EXOC3L2: variants seen among roughly 807,000 people sequenced by gnomAD.
EXOC3L2 encodes exocyst complex component 3-like protein 2.
Under a neutral mutation model 44.4 loss-of-function variants are expected in EXOC3L2, and 17 were observed. The ratio of observed to expected loss-of-function variants is 0.38; its 90% confidence interval spans 0.26 to 0.57. The LOEUF (loss-of-function observed/expected upper bound fraction) is 0.57, where lower values mean the gene tolerates loss of function less well. EXOC3L2 is among the 20% of genes least tolerant of loss of function. The pLI, the probability that EXOC3L2 is intolerant of heterozygous loss-of-function variation, is 0.65. For synonymous variants in EXOC3L2, 256 were observed against 253.7 expected (o/e 1.01, Z -0.09); for missense variants, 541 against 588.4 (o/e 0.92, Z 0.83).
At chr19:45,231,276 T>A (rs1329231656) in intron 4 of EXOC3L2, among the ~76,000 whole-genome samples, 1 of 151,922 alleles carries the variant, frequency 6.6e-6, no homozygotes, top group African/African-American at 2.4e-5. Context: ...CTCAGCGGTG[T>A]CTGTGCAGGT....
chr19:45,220,735 C>T (rs1969887691), intron 8 of EXOC3L2, among the ~76,000 whole-genome samples: 1 of 151,696 alleles, frequency 6.6e-6, no homozygotes, highest in South Asian at 2.1e-4. Context: ...CCAGCTTTCT[C>T]CTGAGGGCAC....
At chr19:45,243,002 T>C (rs968489183) in intron 1 of EXOC3L2, among the ~76,000 whole-genome samples, 1 of 152,186 alleles carries the variant, frequency 6.6e-6, no homozygotes, top group Non-Finnish European at 1.5e-5. Context: ...AGTAGATTTT[T>C]ATCCCATGCT....
intron 10 of EXOC3L2, among the ~76,000 whole-genome samples, chr19:45,217,293 C>A (rs1969845459): frequency 6.6e-6 from 1 of 152,180 alleles, no homozygotes; most frequent in Admixed American, 6.5e-5. Flanking sequence ...GACCATTATT[C>A]GCCTTATTTA....
At chr19:45,230,497 C>T (rs141304076) in intron 4 of EXOC3L2, among the ~76,000 whole-genome samples, 98 of 152,078 alleles carry the variant, frequency 6.4e-4, no homozygotes, top group African/African-American at 2.2e-3. Context: ...GGATTACAGG[C>T]GTGAGCCACT....
chr19:45,241,434 C>T (rs1425123372), intron 1 of EXOC3L2, among the ~76,000 whole-genome samples: 12 of 149,504 alleles, frequency 8.0e-5, no homozygotes, highest in South Asian at 2.1e-4. Flanking sequence ...GCTGAGATCG[C>T]GCCACTGCAC....
chr19:45,232,373 C>T (rs751401509), intron 3 of EXOC3L2, among the ~76,000 whole-genome samples: 48 of 152,176 alleles, frequency 3.2e-4, no homozygotes, highest in Non-Finnish European at 5.9e-4. Context: ...TTGGACCAAA[C>T]CCAGTTCCCA....
chr19:45,226,999 C>A (rs1188641582), intron 7 of EXOC3L2, among the ~76,000 whole-genome samples: 11 of 148,428 alleles, frequency 7.4e-5, no homozygotes, highest in Non-Finnish European at 1.5e-4. Flanking sequence ...ATGATCTACC[C>A]GCCTCGGCCT....
intron 7 of EXOC3L2, among the ~76,000 whole-genome samples, chr19:45,226,816 G>A (rs1277233029): frequency 7.0e-6 from 1 of 142,442 alleles, no homozygotes; most frequent in Non-Finnish European, 1.5e-5. Context: ...GTAGTGGCGC[G>A]ATCTCAGCTC....
In EXOC3L2 at chr19:45,234,714, A is replaced by C; in HGVS notation, c.636T>G (p.Pro212=). Reference sequence around the variant, plus strand: ...CCCCGCCAGCGCCCTCGGCCTTGGGAGGCCCAGGCGCGCCGCCCCTCGACG... The same window carrying C: ...CCCCGCCAGCGCCCTCGGCCTTGGGCGGCCCAGGCGCGCCGCCCCTCGACG... ...LAPSRGGAPG[P]PKAEGAGGGR... The change falls in exon 3 of 12, where the codon CCT becomes CCG. Residue 212 remains proline, a synonymous_variant. Coordinates refer to ENST00000413988, the MANE Select transcript of EXOC3L2 (RefSeq NM_001382422.1). This position sits in a 1 kb window ranked among gnomAD's most constrained non-coding sequence, Gnocchi z 5.0. The C allele has an allele frequency of 2.6e-6, 1 of 390,874 alleles. No individual in the cohort carries two copies. Among genetic ancestry groups the C allele is most frequent in the Non-Finnish European group, 4.5e-6 (1 of 221,114 alleles). The allele number at this position is 390,874 out of a possible 1,614,324, so 24.2% of individuals were successfully genotyped here.
At position 45,224,888 on chromosome 19, in the gene EXOC3L2, C is replaced by T. The variant is rs746573996; in HGVS notation, c.1609G>A (p.Val537Met). The change falls in exon 8 of 12, where the codon GTG (valine) becomes ATG (methionine). Residue 537 changes from valine to methionine, a missense_variant. By Grantham distance (21) the Val-to-Met change is conservative. Coordinates refer to ENST00000413988, the MANE Select transcript of EXOC3L2 (RefSeq NM_001382422.1). ...GCCGGCTCGCTTTCTGGGGGCCCCA[C>T]CCGGGCCAGGCGCTCGGCCAGAGCT... ...LRALAERLAR[V>M]GPPESEPARE... 4.5e-6 allele frequency: 7 copies of T among 1,561,912 alleles called. No individual in the cohort carries two copies. Among genetic ancestry groups the T allele is most frequent in the Admixed American group, 3.7e-5 (2 of 54,250 alleles).
At chr19:45,231,734 C>T in intron 4 of EXOC3L2, 29 bp downstream of exon 4, 1 of 1,585,750 alleles carries the variant, frequency 6.3e-7, no homozygotes, top group Non-Finnish European at 8.6e-7. Flanking sequence ...ACAGCACCTC[C>T]TGCTTCCAAA....
intron 10 of EXOC3L2, chr19:45,217,028 T>C (rs1969842685): frequency 6.6e-6 from 1 of 152,216 alleles, no homozygotes; most frequent in Non-Finnish European, 1.5e-5. Flanking sequence ...AGTCTTTTTT[T>C]TCTTTTTTTT....
chr19:45,224,709 G>A lies in EXOC3L2; in HGVS notation c.1719+69C>T, dbSNP rs1969936059. 6.6e-6 allele frequency: 10 copies of A among 1,508,910 alleles called. No individual in the cohort carries two copies. The South Asian group carries it at 1.0e-4, about 15-fold the overall frequency. 93.5% of individuals were successfully genotyped at this position (1,508,910 alleles called of 1,614,324 possible). A position where few individuals can be genotyped will look rare whatever the true frequency, so the allele number is the denominator to read the frequency against. ...CTGAGCCATGGGCTAAAAGGAACTG[G>A]AGGATGGTGGGGGGCAGCGCTTCCC... On this transcript the variant is annotated intron_variant, in intron 8 of 11. Transcript: ENST00000413988.
intron 4 of EXOC3L2, among the ~76,000 whole-genome samples, chr19:45,231,160 G>A (rs1970027191): frequency 6.6e-6 from 1 of 152,120 alleles, no homozygotes; most frequent in Admixed American, 6.6e-5. Flanking sequence ...TATGGTTCTA[G>A]GCTCTTAAGT....
rs533584529 is a variant in EXOC3L2, at chr19:45,223,594, T to G, written c.1719+1184A>C. Among the ~76,000 whole-genome samples the G allele has an allele frequency of 8.7e-5, 13 of 149,146 alleles. No homozygotes were observed. The East Asian group carries it at 2.6e-3, about 30-fold the overall frequency. ...CTGACCTCAAGTGATCCGCCCACCT[T>G]GGCCTCCCAAGTGCTGGGATTACAG... On this transcript the variant is annotated intron_variant, in intron 8 of 11. Transcript: ENST00000413988.
chr19:45,237,592 G>A (rs1970095060), intron 2 of EXOC3L2, among the ~76,000 whole-genome samples: 1 of 152,130 alleles, frequency 6.6e-6, no homozygotes, highest in Non-Finnish European at 1.5e-5. Flanking sequence ...TGGTGGGCTT[G>A]GAATAAGTGT....
At chr19:45,239,252 C>A (rs1970110982) in intron 1 of EXOC3L2, among the ~76,000 whole-genome samples, 191 bp from the exon 2 acceptor site, 1 of 144,520 alleles carries the variant, frequency 6.9e-6, no homozygotes, top group African/African-American at 2.6e-5. Flanking sequence ...GGGTCTCGCT[C>A]TGTCGCCCAG....
chr19:45,243,580 A>C (rs1191078213), intron 1 of EXOC3L2, among the ~76,000 whole-genome samples: 2 of 152,194 alleles, frequency 1.3e-5, no homozygotes, highest in Non-Finnish European at 2.9e-5. Flanking sequence ...GGCTGTGTGC[A>C]ATAGATACTC....
chr19:45,228,059 T>C lies in EXOC3L2; in HGVS notation c.1387A>G (p.Thr463Ala). ...TGGCTGATGCGGGGTGCTCGCTCTG[T>C]GTGCTCTTCCAGCAGCTGTGAGGTC... ...QDVCELLEEH[T>A]ERAPRISQEF... The change falls in exon 6 of 12, where the codon ACA (threonine) becomes GCA (alanine). Residue 463 changes from threonine (T) to alanine (A), a missense_variant. Coordinates refer to ENST00000413988, the MANE Select transcript of EXOC3L2 (RefSeq NM_001382422.1). 1 of 1,614,110 alleles carries C rather than the reference T, an allele frequency of 6.2e-7. No individual in the cohort carries two copies. Among genetic ancestry groups the C allele is most frequent in the Non-Finnish European group, 8.5e-7 (1 of 1,180,028 alleles).
Sources: gnomAD v4.1 joint callset for allele counts (sites outside exome capture counted in the v4.1 genomes callset) on GRCh38, gnomAD v4.1.1 for gene constraint, Gnocchi (gnomAD v3.1) non-coding constraint, MANE v1.5 for transcripts, NCBI Gene and HGNC (gene_info 2026-07-23, HGNC 2026-07-21) for gene names.